Variants in LEPROTL1 observed in about 807,000 individuals in gnomAD.
LEPROTL1 encodes the protein leptin receptor overlapping transcript-like 1.
A neutral mutation model predicts 15.4 loss-of-function variants in LEPROTL1; 6 were observed. The ratio of observed to expected loss-of-function variants is 0.39; its 90% CI spans 0.21 to 0.77. The LOEUF is 0.77. LEPROTL1 is among the 30% of genes least tolerant of loss of function. The pLI is 0.41. For synonymous variants in LEPROTL1, 56 were observed against 52.6 expected (o/e 1.06, Z -0.28); for missense variants, 128 against 158.1 (o/e 0.81, Z 1.02).
At chr8:30,121,466 C>A (rs1017988604) in intron 3 of LEPROTL1, among the ~76,000 whole-genome samples, 5 of 152,176 alleles carry the variant, frequency 3.3e-5, no homozygotes, top group Non-Finnish European at 2.9e-5. Flanking sequence ...GTTGGCCAGG[C>A]TGGTCTCCAA....
At chr8:30,103,201 TAAA>T (rs558050534) in intron 2 of LEPROTL1, among the ~76,000 whole-genome samples, 1 of 152,198 alleles carries the variant, frequency 6.6e-6, no homozygotes. Flanking sequence ...TAGGCAGTCT[TAAA>T]AAGAATGAGG....
chr8:30,095,450 C>A lies in LEPROTL1; in HGVS notation c.-63C>A. Reference sequence around the variant, plus strand: ...CTGGCCGCCGTAGCGCGTCTTGGGTCTCCCGGCTGCCGCTGCTGCCGCCGC... The same window carrying A: ...CTGGCCGCCGTAGCGCGTCTTGGGTATCCCGGCTGCCGCTGCTGCCGCCGC... On this transcript the variant is annotated 5_prime_UTR_variant, in exon 1 of 4. Transcript: ENST00000321250. The A allele has an allele frequency of 6.9e-7, 1 of 1,454,768 alleles. No homozygotes were observed. The highest frequency in any genetic ancestry group is 9.0e-7 in the Non-Finnish European group (1 of 1,105,334). The allele number at this position is 1,454,768 out of a possible 1,614,324, so 90.1% of individuals were successfully genotyped here. A position where few individuals can be genotyped will look rare whatever the true frequency, so the allele number is the denominator to read the frequency against.
At chr8:30,114,307 T>TTTGTTTTTC (rs1563216366) in intron 3 of LEPROTL1, among the ~76,000 whole-genome samples, 168 of 151,584 alleles carry the variant, frequency 1.1e-3, no homozygotes, top group Non-Finnish European at 1.1e-3. Flanking sequence ...TTTTATTTTT[T>TTTGTTTTTC]TGAGATGGAG....
At chr8:30,104,236 C>A in intron 2 of LEPROTL1, 64 bp from the exon 3 acceptor site, 2 of 973,796 alleles carry the variant, frequency 2.1e-6, no homozygotes, top group South Asian at 4.9e-5. Flanking sequence ...TTTAAAAAGA[C>A]CATATTTTGT....
At chr8:30,113,816 T>C (rs937822873) in intron 3 of LEPROTL1, among the ~76,000 whole-genome samples, 16 of 152,060 alleles carry the variant, frequency 1.1e-4, no homozygotes, top group African/African-American at 2.9e-4. Context: ...GGGGTCTCCA[T>C]GCAAAGAGGA....
chr8:30,124,506 AT>A (rs1330671347), intron 3 of LEPROTL1, among the ~76,000 whole-genome samples: 1 of 152,158 alleles, frequency 6.6e-6, no homozygotes, highest in Non-Finnish European at 1.5e-5. Flanking sequence ...TATCTCTAAA[AT>A]GTGACCCTTC....
At chr8:30,113,607 A>G (rs1001154448) in intron 3 of LEPROTL1, among the ~76,000 whole-genome samples, 1 of 152,172 alleles carries the variant, frequency 6.6e-6, no homozygotes, top group Non-Finnish European at 1.5e-5. Flanking sequence ...ACGTACACAC[A>G]GGTCTCCATC....
intron 3 of LEPROTL1, among the ~76,000 whole-genome samples, chr8:30,128,310 CAG>C (rs1233965861): frequency 6.6e-6 from 1 of 152,174 alleles, no homozygotes; most frequent in East Asian, 1.9e-4. Context: ...TTTAACCAAT[CAG>C]AGGAGTAGAA....
chr8:30,108,080 G>T lies in LEPROTL1; in HGVS notation c.*2218G>T. 1 of 815,428 alleles carries T rather than the reference G, an allele frequency of 1.2e-6. No individual in the cohort carries two copies. Among genetic ancestry groups the T allele is most frequent in the South Asian group, 5.7e-5 (1 of 17,662 alleles). 50.5% of individuals were successfully genotyped at this position (815,428 alleles called of 1,614,324 possible). On this transcript the variant is annotated 3_prime_UTR_variant, in exon 4 of 4. Transcript: ENST00000321250. ...TTTAAATATCTATTTTAGTTTGTGG[G>T]TGTTTTTGAAATGAAAATATATGGC...
intron 2 of LEPROTL1, among the ~76,000 whole-genome samples, chr8:30,102,513 G>T (rs1376319442): frequency 6.6e-6 from 1 of 151,896 alleles, no homozygotes; most frequent in Non-Finnish European, 1.5e-5. Flanking sequence ...ATAGCCAGGC[G>T]TGGTGACACA....
At chr8:30,126,706 C>T (rs1290413192) in intron 3 of LEPROTL1, among the ~76,000 whole-genome samples, 2 of 152,148 alleles carry the variant, frequency 1.3e-5, no homozygotes, top group Non-Finnish European at 2.9e-5. Context: ...GCCAGCCCAG[C>T]TTAGTAGCTG....
At chr8:30,124,692 T>C (rs1004679963) in intron 3 of LEPROTL1, among the ~76,000 whole-genome samples, 2 of 152,122 alleles carry the variant, frequency 1.3e-5, no homozygotes, top group African/African-American at 2.4e-5. Context: ...TATTATATAG[T>C]TATGTAAATA....
At position 30,132,522 on chromosome 8, in the gene LEPROTL1, G is replaced by A. The variant is rs560382676; in HGVS notation, c.394+33G>A. The A allele has an allele frequency of 6.4e-5, 100 of 1,551,718 alleles. 1 individual carries two copies. In the South Asian group the frequency reaches 7.9e-4, roughly 12 times the overall value. ...TGAAAAGCCCAGCTGTGGTCCACAC[G>A]ACATAGATGCACTCGAATTGCTGGC... On this transcript the variant is annotated intron_variant, in intron 4 of 4. Coordinates refer to the LEPROTL1 transcript ENST00000442880.
At chr8:30,098,023 C>T (rs1041775426) in intron 1 of LEPROTL1, among the ~76,000 whole-genome samples, 1 of 151,932 alleles carries the variant, frequency 6.6e-6, no homozygotes, top group African/African-American at 2.4e-5. Context: ...CTTCAGAGGC[C>T]CTCATGGTCC....
rs536086786 is a variant in LEPROTL1 at position 30,106,927 on chromosome 8, G to A, written c.*1065G>A. On this transcript the variant is annotated 3_prime_UTR_variant, in exon 4 of 4. Transcript: ENST00000321250. ...GTGTTTACTTACCTGGAAAATAATT[G>A]CTATGCCGTACATTCAGAGTGCCCC... 1.0e-5 allele frequency: 10 copies of A among 985,320 alleles called. No homozygotes were observed. In the South Asian group the frequency reaches 2.8e-4, roughly 28 times the overall value. 61.0% of individuals were successfully genotyped at this position (985,320 alleles called of 1,614,324 possible).
intron 3 of LEPROTL1, among the ~76,000 whole-genome samples, chr8:30,128,141 T>C (rs568046548): frequency 9.5e-4 from 144 of 152,314 alleles, no homozygotes; most frequent in Non-Finnish European, 1.8e-3. Context: ...GGCAGACAGA[T>C]GGCTCCAGTC....
rs1187998214 is a variant in LEPROTL1 at position 30,095,541 on chromosome 8, T to G, written c.16+13T>G. 7.0e-7 allele frequency: 1 copy of G among 1,418,458 alleles called. No homozygotes were observed. Among genetic ancestry groups the G allele is most frequent in the Admixed American group, 2.9e-5 (1 of 34,240 alleles). The allele number at this position is 1,418,458 out of a possible 1,614,324, so 87.9% of individuals were successfully genotyped here. A position where few individuals can be genotyped will look rare whatever the true frequency, so the allele number is the denominator to read the frequency against. ...GCAGGCATCAAAGGTGGGCCTGGGT[T>G]GCAGGACGCGGGAGGGCTGGGGCCG... On this transcript the variant is annotated intron_variant, in intron 1 of 3. Transcript: ENST00000321250.
intron 2 of LEPROTL1, among the ~76,000 whole-genome samples, chr8:30,103,457 A>G (rs1031137148): frequency 3.9e-5 from 6 of 152,088 alleles, no homozygotes; most frequent in African/African-American, 1.4e-4. Flanking sequence ...TATTTAGGAA[A>G]TGGTCAGGCG....
At chr8:30,112,384 G>T (rs886172546), downstream of LEPROTL1, among the ~76,000 whole-genome samples, 1 of 125,434 alleles carries the variant, frequency 8.0e-6, no homozygotes, top group Non-Finnish European at 1.6e-5. Flanking sequence ...ACAGGTGTGC[G>T]CCACCATGCC....
Sources: gnomAD v4.1 joint callset for allele counts (sites outside exome capture counted in the v4.1 genomes callset) on GRCh38, gnomAD v4.1.1 for gene constraint, MANE v1.5 for transcripts, NCBI Gene and HGNC (gene_info 2026-07-23, HGNC 2026-07-21) for gene names.